Variants in INPP4A observed in about 807,000 individuals in gnomAD.
INPP4A encodes the protein inositol polyphosphate-4-phosphatase, type I, 107kD.
INPP4A carries 33 observed loss-of-function variants against 119.8 expected under a neutral mutation model. The ratio of observed to expected loss-of-function variants is 0.28; its 90% CI spans 0.21 to 0.37. The LOEUF is 0.37. INPP4A is among the 10% of genes least tolerant of loss of function. The pLI, the probability that INPP4A is intolerant of heterozygous loss-of-function variation, is 1.00. For missense variants in INPP4A, 956 were observed against 1,289.9 expected (o/e 0.74, Z 3.97); for synonymous variants, 496 against 500.7 (o/e 0.99, Z 0.12).
At chr2:98,449,258 T>G (rs1322066304) in intron 1 of INPP4A, among the ~76,000 whole-genome samples, 1 of 152,252 alleles carries the variant, frequency 6.6e-6, no homozygotes, top group Non-Finnish European at 1.5e-5. Flanking sequence ...ATTATTATGA[T>G]AGTAGGCAGA....
At chr2:98,516,579 A>G (rs1345904808) in intron 1 of INPP4A, among the ~76,000 whole-genome samples, 2 of 152,158 alleles carry the variant, frequency 1.3e-5, no homozygotes, top group East Asian at 3.9e-4. Context: ...CTCCACTGTC[A>G]TAAGTGAAGG....
Position 98,566,123 on chromosome 2 carries a change from G to A in INPP4A, c.2374G>A (p.Val792Ile), listed in dbSNP as rs758889570. ...QSGMLLRVQP[V>I]LFNVGINEQQ... Reference sequence around the variant, plus strand: ...TGGCATGCTGCTGCGAGTGCAGCCCGTCCTCTTCAACGTGGGCATCAATGA... The same window carrying A: ...TGGCATGCTGCTGCGAGTGCAGCCCATCCTCTTCAACGTGGGCATCAATGA... The change falls in exon 21 of 25, where the codon GTC becomes ATC. Residue 792 changes from valine to isoleucine, a missense_variant. By Grantham distance (29) the Val-to-Ile change is conservative. Transcript: ENST00000409851. This position sits in a 1 kb window ranked among gnomAD's most constrained non-coding sequence, Gnocchi z 4.2. The A allele has an allele frequency of 4.4e-6, 7 of 1,598,800 alleles. No individual in the cohort carries two copies. The highest frequency in any genetic ancestry group is 2.3e-5 in the East Asian group (1 of 44,106).
At chr2:98,580,406 T>C (rs982305662) in intron 24 of INPP4A, among the ~76,000 whole-genome samples, 2 of 152,238 alleles carry the variant, frequency 1.3e-5, no homozygotes, top group East Asian at 3.8e-4. Context: ...CATAAACGCT[T>C]CTACCAGGGC....
chr2:98,495,009 T>A (rs1681644493), intron 1 of INPP4A, among the ~76,000 whole-genome samples: 1 of 151,996 alleles, frequency 6.6e-6, no homozygotes, highest in Non-Finnish European at 1.5e-5. Flanking sequence ...AGGAGCAAAA[T>A]CAGAGGTTGG....
intron 4 of INPP4A, among the ~76,000 whole-genome samples, chr2:98,529,838 TA>T (rs1251408603): frequency 3.3e-5 from 5 of 152,168 alleles, no homozygotes; most frequent in Non-Finnish European, 7.4e-5. Context: ...TAGTAAAAAT[TA>T]AAGCAATGCT....
rs111816749 is a variant in INPP4A at position 98,499,052 on chromosome 2, C to T, written c.-165-19912C>T. ...CTCAATGCTCTTTTTGCCAATTCTGCCCCACTGAGGAACTAGGAAAGCAGT... is the reference window on the plus strand; with the variant it reads ...CTCAATGCTCTTTTTGCCAATTCTGTCCCACTGAGGAACTAGGAAAGCAGT... On this transcript the variant is annotated intron_variant, in intron 1 of 24. Coordinates refer to ENST00000409851, the MANE Select transcript of INPP4A (RefSeq NM_001134225.2). Among the ~76,000 whole-genome samples, 622 of 152,328 alleles carry T rather than the reference C, an allele frequency of 4.1e-3. 8 individuals carry two copies. Among genetic ancestry groups the T allele is most frequent in the African/African-American group, 0.014 (602 of 41,562 alleles).
intron 4 of INPP4A, among the ~76,000 whole-genome samples, chr2:98,528,995 C>T (rs1169917130): frequency 2.0e-5 from 3 of 150,678 alleles, no homozygotes; most frequent in East Asian, 2.0e-4. Context: ...GGAGAATTGG[C>T]GTGAACCCGG....
rs544551147 is a variant in INPP4A, at chr2:98,535,982, C to G, written c.387+137C>G. On this transcript the variant is annotated intron_variant, in intron 6 of 24. Coordinates refer to ENST00000409851, the MANE Select transcript of INPP4A (RefSeq NM_001134225.2). Reference sequence around the variant, plus strand: ...TCATGTCTAAATGCATTTGTCTTTGCGAATTGTTAAGCTTTCCCATTGGGC... The same window carrying G: ...TCATGTCTAAATGCATTTGTCTTTGGGAATTGTTAAGCTTTCCCATTGGGC... The G allele has an allele frequency of 1.8e-5, 13 of 713,490 alleles. No homozygotes were observed. The African/African-American group carries it at 2.3e-4, about 13-fold the overall frequency. 44.2% of individuals were successfully genotyped at this position (713,490 alleles called of 1,614,324 possible). A position where few individuals can be genotyped will look rare whatever the true frequency, so the allele number is the denominator to read the frequency against.
intron 21 of INPP4A, 57 bp from the exon 22 acceptor site, chr2:98,568,514 T>C (rs1575123980): frequency 1.2e-6 from 1 of 818,356 alleles, no homozygotes; most frequent in Non-Finnish European, 2.1e-6. Context: ...GCAGTTGTGT[T>C]CATGTTAGAA....
intron 3 of INPP4A, 125 bp from the exon 4 acceptor site, chr2:98,520,562 G>T: frequency 1.4e-6 from 1 of 691,020 alleles, no homozygotes. Context: ...TTAAAATAAA[G>T]AAATTGTCTT....
intron 10 of INPP4A, among the ~76,000 whole-genome samples, chr2:98,542,549 T>G (rs1017395807): frequency 6.6e-6 from 1 of 152,240 alleles, no homozygotes; most frequent in Non-Finnish European, 1.5e-5. Flanking sequence ...CATATATGTG[T>G]AAAGTGTTCT....
chr2:98,446,333 T>C (rs923507317), intron 1 of INPP4A, among the ~76,000 whole-genome samples: 2 of 152,200 alleles, frequency 1.3e-5, no homozygotes, highest in Non-Finnish European at 2.9e-5. Context: ...GCATTTGTTT[T>C]GGGGGTTCTT....
At position 98,594,298 on chromosome 2, in the gene INPP4A, AC is replaced by A. The variant is rs1206220558; in HGVS notation, c.*6691del. 6.6e-6 allele frequency: 1 copy of A among 152,246 alleles called. No individual in the cohort carries two copies. Among genetic ancestry groups the A allele is most frequent in the Non-Finnish European group, 1.5e-5 (1 of 68,042 alleles). The allele number at this position is 152,246 out of a possible 1,614,324, so 9.4% of individuals were successfully genotyped here. The stretch of plus-strand genomic sequence containing the variant: ...GTTATCTTGATCTGGATGGCCAGTT[AC>A]ATGACAGATTACTTTGTTCTTAACA... On this transcript the variant is annotated 3_prime_UTR_variant, in exon 25 of 25. Transcript: ENST00000409851.
Position 98,554,433 on chromosome 2 carries a change from T to C in INPP4A, c.1510T>C (p.Trp504Arg), listed in dbSNP as rs776132186. Residue 504 changes from tryptophan (W) to arginine (R), a missense_variant, in exon 15 of 25, where the codon TGG (tryptophan) becomes CGG (arginine). This residue lies in a region of INPP4A where 652 missense variants were observed against 797.9 expected (regional missense o/e 0.82). Transcript: ENST00000409851. The surrounding 1 kb of genome is among the most constrained non-coding windows in gnomAD (Gnocchi z 4.7). ...TGACCAGGACACCCTCATGGCCCGGTGGACAGGGAGAAACAGCCGATCTTC... is the reference window on the plus strand; with the variant it reads ...TGACCAGGACACCCTCATGGCCCGGCGGACAGGGAGAAACAGCCGATCTTC... The part of the protein sequence containing the change: ...RNDQDTLMAR[W>R]TGRNSRSSLQ... 1.9e-6 allele frequency: 3 copies of C among 1,613,830 alleles called. No homozygotes were observed. Among genetic ancestry groups the C allele is most frequent in the South Asian group, 1.1e-5 (1 of 91,022 alleles).
At chr2:98,513,052 G>T (rs989306274) in intron 1 of INPP4A, among the ~76,000 whole-genome samples, 1 of 152,194 alleles carries the variant, frequency 6.6e-6, no homozygotes, top group Non-Finnish European at 1.5e-5. Flanking sequence ...AAAATGGAAG[G>T]CCTGCTTGCT....
At chr2:98,517,132 A>G (rs1317141346) in intron 1 of INPP4A, among the ~76,000 whole-genome samples, 1 of 151,532 alleles carries the variant, frequency 6.6e-6, no homozygotes. Context: ...CACTCTCCAT[A>G]CTCTGGATGC....
intron 1 of INPP4A, among the ~76,000 whole-genome samples, chr2:98,516,708 GC>G (rs1490740219): frequency 1.3e-4 from 20 of 152,288 alleles, no homozygotes; most frequent in Middle Eastern, 3.4e-3. Context: ...CTGAAGTCAT[GC>G]CTGGGGTGCT....
intron 21 of INPP4A, among the ~76,000 whole-genome samples, chr2:98,567,525 A>C (rs1395174353): frequency 1.3e-5 from 2 of 152,166 alleles, no homozygotes; most frequent in South Asian, 2.1e-4. Context: ...AGGGGAGGGA[A>C]AATGATGGTG....
chr2:98,486,095 G>A (rs1679482433), intron 1 of INPP4A, among the ~76,000 whole-genome samples: 1 of 152,198 alleles, frequency 6.6e-6, no homozygotes, highest in African/African-American at 2.4e-5. Context: ...GTCTCTGGGA[G>A]GAGGTTTCTC....
Sources: gnomAD v4.1 joint callset for allele counts (sites outside exome capture counted in the v4.1 genomes callset) on GRCh38, gnomAD v4.1.1 for gene constraint, gnomAD v4.1.1 regional missense constraint, Gnocchi (gnomAD v3.1) non-coding constraint, MANE v1.5 for transcripts, NCBI Gene and HGNC (gene_info 2026-07-23, HGNC 2026-07-21) for gene names.